Variants in WWOX observed in about 807,000 individuals in gnomAD.
WWOX encodes the protein WW domain containing oxidoreductase.
A neutral mutation model predicts 46.2 loss-of-function variants in WWOX; 69 were observed. The observed-to-expected ratio is 1.49, with a 90% CI of 1.23 to 1.82. WWOX has a LOEUF of 1.82. WWOX is among the 40% of genes most tolerant of loss of function. WWOX has a pLI of 0.00. For missense variants in WWOX, 919 were observed against 542.6 expected, an observed-to-expected ratio of 1.69 and a Z score of -6.89; for synonymous variants, 359 against 202.6, an observed-to-expected ratio of 1.77 and a Z score of -6.56.
chr16:78,273,126 T>C (rs1289186941), intron 5 of WWOX, among the ~76,000 whole-genome samples: 1 of 152,220 alleles, frequency 6.6e-6, no homozygotes, highest in African/African-American at 2.4e-5. Flanking sequence ...AGCTGTTTCT[T>C]CACCTCCCAA....
At chr16:78,513,906 C>CCA (rs1177006421) in intron 8 of WWOX, among the ~76,000 whole-genome samples, 28 of 149,218 alleles carry the variant, frequency 1.9e-4, no homozygotes, top group African/African-American at 6.8e-4. Flanking sequence ...CCCCCCCCCC[C>CCA]ACTTGTATCA....
chr16:78,751,766 GGAA>G (rs1435130430), intron 8 of WWOX, among the ~76,000 whole-genome samples: 2 of 151,340 alleles, frequency 1.3e-5, no homozygotes, highest in African/African-American at 4.9e-5. Context: ...AAGGAGGAAG[GGAA>G]GAAGGAGGGA....
At chr16:78,235,424 G>C (rs1393935861) in intron 5 of WWOX, among the ~76,000 whole-genome samples, 2 of 152,112 alleles carry the variant, frequency 1.3e-5, no homozygotes, top group Non-Finnish European at 2.9e-5. Context: ...GATGCTCTTG[G>C]GGAATCATAA....
chr16:78,864,586 A>T (rs1281648892), intron 8 of WWOX, among the ~76,000 whole-genome samples: 2 of 151,850 alleles, frequency 1.3e-5, no homozygotes, highest in Non-Finnish European at 2.9e-5. Context: ...TGGCTTTTTG[A>T]AACAGGGCTG....
At position 78,101,569 on chromosome 16, in the gene WWOX, C is replaced by T. The variant is rs1341187059; in HGVS notation, c.107+1684C>T. Reference sequence around the variant, plus strand: ...CTCCTGGCCTCAAGTGATCCGCCCACCTCGGCCCCCCAAAGTGTTGGCATT... The same window carrying T: ...CTCCTGGCCTCAAGTGATCCGCCCATCTCGGCCCCCCAAAGTGTTGGCATT... On this transcript the variant is annotated intron_variant, in intron 1 of 8. Transcript: ENST00000566780. Among the ~76,000 whole-genome samples the T allele has an allele frequency of 3.9e-5, 6 of 152,196 alleles. No homozygotes were observed. The East Asian group carries it at 1.2e-3, about 30-fold the overall frequency.
At chr16:78,975,218 A>C (rs910723643) in intron 8 of WWOX, among the ~76,000 whole-genome samples, 6 of 152,210 alleles carry the variant, frequency 3.9e-5, no homozygotes, top group African/African-American at 1.4e-4. Context: ...CATCTGGTTC[A>C]AGGGTTCTCA....
chr16:78,541,675 A>G (rs1482466550), intron 8 of WWOX, among the ~76,000 whole-genome samples: 1 of 151,962 alleles, frequency 6.6e-6, no homozygotes. Context: ...GTGAGGTGTG[A>G]CATTGAAAAA....
At chr16:78,320,204 G>T (rs939051416) in intron 5 of WWOX, among the ~76,000 whole-genome samples, 1 of 152,182 alleles carries the variant, frequency 6.6e-6, no homozygotes, top group Non-Finnish European at 1.5e-5. Flanking sequence ...ACGAGCAAAT[G>T]AGAGTATTCA....
Position 78,966,631 on chromosome 16 carries a change from T to G in WWOX, c.1057-244977T>G, listed in dbSNP as rs142978037. Among the ~76,000 whole-genome samples the G allele has an allele frequency of 1.6e-3, 245 of 152,330 alleles. 1 individual carries two copies. The highest frequency in any genetic ancestry group is 6.8e-3 in the Middle Eastern group (2 of 294). ...TTTGAATCAATAAATATAGTATGTATTAATAATATTGAGCTATTTCTTAAG... is the reference window on the plus strand; with the variant it reads ...TTTGAATCAATAAATATAGTATGTAGTAATAATATTGAGCTATTTCTTAAG... On this transcript the variant is annotated intron_variant, in intron 8 of 8. Transcript: ENST00000566780.
intron 8 of WWOX, among the ~76,000 whole-genome samples, chr16:78,819,789 G>C (rs183052757): frequency 6.6e-6 from 1 of 152,184 alleles, no homozygotes; most frequent in Non-Finnish European, 1.5e-5. Flanking sequence ...ATTTTCATCC[G>C]TAAACAAAGC....
chr16:78,546,812 C>T (rs2044044208), intron 8 of WWOX, among the ~76,000 whole-genome samples: 1 of 152,058 alleles, frequency 6.6e-6, no homozygotes, highest in Non-Finnish European at 1.5e-5. Context: ...AAAACCTGGG[C>T]ACAACAGTAG....
intron 8 of WWOX, among the ~76,000 whole-genome samples, chr16:79,194,888 C>T (rs573518805): frequency 1.1e-4 from 17 of 152,198 alleles, no homozygotes; most frequent in Non-Finnish European, 2.4e-4. Flanking sequence ...CTTTTTTCCC[C>T]CATGCCATAC....
chr16:78,644,032 G>T, intron 8 of WWOX, among the ~76,000 whole-genome samples: 1 of 152,116 alleles, frequency 6.6e-6, no homozygotes, highest in East Asian at 1.9e-4. Flanking sequence ...AGACCAGCCT[G>T]ACCAACATGG....
intron 8 of WWOX, among the ~76,000 whole-genome samples, chr16:79,134,690 T>C (rs7199968): frequency 5.9e-5 from 9 of 152,188 alleles, no homozygotes; most frequent in African/African-American, 1.7e-4. Context: ...GACATTCTTA[T>C]AGACATGTCA....
Position 78,367,353 on chromosome 16 carries a change from G to A in WWOX, c.517-19507G>A, listed in dbSNP as rs574911023. Among the ~76,000 whole-genome samples, 5 of 152,280 alleles carry A rather than the reference G, an allele frequency of 3.3e-5. No individual in the cohort carries two copies. In the South Asian group the frequency reaches 1.0e-3, roughly 32 times the overall value. ...CTGTGGGCACATGTGGCCCAGGACAGCTTTGCAGCCCAACACAAATGTATA... is the reference window on the plus strand; with the variant it reads ...CTGTGGGCACATGTGGCCCAGGACAACTTTGCAGCCCAACACAAATGTATA... On this transcript the variant is annotated intron_variant, in intron 5 of 8. Transcript: ENST00000566780.
intron 8 of WWOX, among the ~76,000 whole-genome samples, chr16:79,045,453 T>C (rs2048046646): frequency 6.6e-6 from 1 of 152,162 alleles, no homozygotes; most frequent in Non-Finnish European, 1.5e-5. Flanking sequence ...TCTCAGGAAA[T>C]GGGCAAAGTT....
intron 8 of WWOX, among the ~76,000 whole-genome samples, chr16:78,903,816 T>G (rs989413425): frequency 6.6e-6 from 1 of 152,192 alleles, no homozygotes; most frequent in Admixed American, 6.5e-5. Context: ...TCCAGTCCAT[T>G]TATAACATAA....
chr16:79,088,431 G>A (rs1017427073), intron 8 of WWOX, among the ~76,000 whole-genome samples: 2 of 152,210 alleles, frequency 1.3e-5, no homozygotes, highest in East Asian at 3.9e-4. Flanking sequence ...GTCTGGCCCT[G>A]AGCCGTGGGC....
At position 79,055,179 on chromosome 16, in the gene WWOX, C is replaced by T. The variant is rs557447845; in HGVS notation, c.1057-156429C>T. ...ATATGCACCTTTTAATTGAATAAAGCAAACAGTAACAGTGATTACCAGGAC... is the reference window on the plus strand; with the variant it reads ...ATATGCACCTTTTAATTGAATAAAGTAAACAGTAACAGTGATTACCAGGAC... On this transcript the variant is annotated intron_variant, in intron 8 of 8. Coordinates refer to ENST00000566780, the MANE Select transcript of WWOX (RefSeq NM_016373.4). Among the ~76,000 whole-genome samples, 183 of 152,290 alleles carry T rather than the reference C, an allele frequency of 1.2e-3. 1 individual carries two copies. The highest frequency in any genetic ancestry group is 1.9e-3 in the Non-Finnish European group (129 of 68,016).
Sources: allele counts gnomAD v4.1 joint callset (sites outside exome capture counted in the v4.1 genomes callset), GRCh38; gene constraint gnomAD v4.1.1; transcripts MANE v1.5; gene names NCBI Gene and HGNC (gene_info 2026-07-23, HGNC 2026-07-21).